Variants in QTGAL observed in about 807,000 individuals in gnomAD.
QTGAL encodes queuosine-tRNA galactosyltransferase, also known as BGnT-like protein 1.
chr17:83,045,340 T>G, the QTGAL span, among the ~76,000 whole-genome samples: 1 of 152,228 alleles, frequency 6.6e-6, no homozygotes, highest in South Asian at 2.1e-4. Context: ...GGAGAAAGAA[T>G]AGTCTTTTAA....
chr17:83,032,293 C>A, the QTGAL span, among the ~76,000 whole-genome samples: 6 of 115,260 alleles, frequency 5.2e-5, no homozygotes, highest in Non-Finnish European at 1.1e-4. Flanking sequence ...GGGAGCTGAA[C>A]AACGGGTCAG....
At chr17:82,972,840 G>A in the QTGAL span, among the ~76,000 whole-genome samples, 4 of 125,270 alleles carry the variant, frequency 3.2e-5, no homozygotes, top group African/African-American at 9.3e-5. Flanking sequence ...ACCTGGTGCC[G>A]ACCACACCAC....
chr17:83,049,403 A>T, the QTGAL span, among the ~76,000 whole-genome samples: 1 of 150,980 alleles, frequency 6.6e-6, no homozygotes, highest in Non-Finnish European at 1.5e-5. Flanking sequence ...TCATGAAAAT[A>T]ACTGGTTGGT....
At chr17:82,946,099 A>C in the QTGAL span, among the ~76,000 whole-genome samples, 1 of 152,246 alleles carries the variant, frequency 6.6e-6, no homozygotes, top group Non-Finnish European at 1.5e-5. Context: ...TGAAGTATTT[A>C]GTCACACACA....
At chr17:82,993,791 C>T in the QTGAL span, among the ~76,000 whole-genome samples, 1 of 151,742 alleles carries the variant, frequency 6.6e-6, no homozygotes, top group South Asian at 2.1e-4. Context: ...TATCAAGCAT[C>T]TCCTCTGACT....
chr17:82,998,273 A>T, the QTGAL span, among the ~76,000 whole-genome samples: 2 of 152,202 alleles, frequency 1.3e-5, no homozygotes, highest in African/African-American at 2.4e-5. Context: ...ATTTAAAAAA[A>T]TTTTAAATCT....
chr17:83,021,003 C>T, the QTGAL span, among the ~76,000 whole-genome samples: 6 of 152,194 alleles, frequency 3.9e-5, no homozygotes, highest in African/African-American at 1.2e-4. Context: ...GTGTTCCACA[C>T]GAGTATTTGC....
the QTGAL span, among the ~76,000 whole-genome samples, chr17:83,032,118 G>A: frequency 5.6e-5 from 8 of 142,546 alleles, no homozygotes; most frequent in African/African-American, 1.9e-4. Flanking sequence ...GACCCAGACC[G>A]AGCTCGGGAG....
the QTGAL span, chr17:83,035,221 C>T: frequency 5.3e-5 from 44 of 826,268 alleles, no homozygotes; most frequent in South Asian, 1.0e-4. Context: ...CTCTTGTTGC[C>T]CAGGCTGGAG....
At chr17:83,038,693 C>T in the QTGAL span, among the ~76,000 whole-genome samples, 1 of 152,108 alleles carries the variant, frequency 6.6e-6, no homozygotes, top group East Asian at 1.9e-4. Flanking sequence ...CCCATCTCTA[C>T]TAAAACTACA....
At chr17:82,957,575 T>C in the QTGAL span, 3 of 1,483,458 alleles carry the variant, frequency 2.0e-6, no homozygotes, top group African/African-American at 1.4e-5. Context: ...ACATGATGTG[T>C]GCTCAGCTCA....
chr17:83,002,254 G>C, the QTGAL span, among the ~76,000 whole-genome samples: 1 of 152,164 alleles, frequency 6.6e-6, no homozygotes, highest in African/African-American at 2.4e-5. Context: ...GCTCAGCCAT[G>C]GCCTCCGGGG....
chr17:83,010,046 G>C, the QTGAL span, among the ~76,000 whole-genome samples: 1 of 112,604 alleles, frequency 8.9e-6, no homozygotes, highest in Admixed American at 8.3e-5. Flanking sequence ...TGCCCGGCGG[G>C]GGGCTGGGGG....
chr17:82,991,948 A>G, the QTGAL span, among the ~76,000 whole-genome samples: 1 of 152,220 alleles, frequency 6.6e-6, no homozygotes, highest in Non-Finnish European at 1.5e-5. Context: ...TTTTAATAGC[A>G]GAATTGATCA....
At chr17:82,969,278 G>A in the QTGAL span, among the ~76,000 whole-genome samples, 1 of 147,888 alleles carries the variant, frequency 6.8e-6, no homozygotes, top group Non-Finnish European at 1.5e-5. Context: ...TTGTGCCTCG[G>A]CCATCGGAGT....
At chr17:82,965,767 C>T in the QTGAL span, 4 of 1,594,718 alleles carry the variant, frequency 2.5e-6, no homozygotes, top group East Asian at 6.7e-5. Flanking sequence ...TTAACGTTGA[C>T]AGAGTTAGCG....
the QTGAL span, among the ~76,000 whole-genome samples, chr17:83,032,376 C>G: frequency 0.052 from 2,070 of 39,690 alleles, 110 homozygotes; most frequent in African/African-American, 0.13. Context: ...GGCCTCCGAC[C>G]CAGACCGAGC....
the QTGAL span, among the ~76,000 whole-genome samples, chr17:83,040,339 A>G: frequency 3.3e-5 from 5 of 152,202 alleles, no homozygotes; most frequent in Non-Finnish European, 7.3e-5. Flanking sequence ...GCCAACCTTG[A>G]CTTTTTCAGC....
At chr17:83,030,155 A>G in the QTGAL span, among the ~76,000 whole-genome samples, 2 of 152,230 alleles carry the variant, frequency 1.3e-5, no homozygotes, top group African/African-American at 4.8e-5. Context: ...ATTTAAAAAG[A>G]AGAAAAAGAA....
Sources: gnomAD v4.1 joint callset for allele counts (sites outside exome capture counted in the v4.1 genomes callset) on GRCh38, gnomAD v4.1.1 for gene constraint, MANE v1.5 for transcripts, NCBI Gene and HGNC (gene_info 2026-07-23, HGNC 2026-07-21) for gene names.